PTPRD: variants seen among roughly 807,000 people sequenced by gnomAD.
PTPRD encodes receptor-type tyrosine-protein phosphatase delta.
PTPRD carries 34 observed loss-of-function variants against 214.5 expected under a neutral mutation model. The observed-to-expected ratio is 0.16, with a 90% CI of 0.12 to 0.21. The LOEUF is 0.21. Ranked by LOEUF, PTPRD falls within the 10% of genes least tolerant of loss-of-function variation. The pLI, the probability that PTPRD is intolerant of heterozygous loss-of-function variation, is 1.00. For synonymous variants in PTPRD, 1,128 were observed against 845.7 expected (o/e 1.33, Z -5.79); for missense variants, 2,545 against 2,398.7 (o/e 1.06, Z -1.27).
chr9:10,606,359 G>C (rs1294071276), intron 2 of PTPRD, among the ~76,000 whole-genome samples: 1 of 151,654 alleles, frequency 6.6e-6, no homozygotes. Flanking sequence ...TTTCCACTGA[G>C]TAGAATTTCT....
At chr9:9,737,684 G>A (rs972077900) in intron 6 of PTPRD, among the ~76,000 whole-genome samples, 1 of 152,016 alleles carries the variant, frequency 6.6e-6, no homozygotes, top group Admixed American at 6.6e-5. Context: ...TATTCCTTAT[G>A]TTGCTAAAAA....
At chr9:9,842,487 G>A (rs543110295) in intron 5 of PTPRD, among the ~76,000 whole-genome samples, 7 of 151,442 alleles carry the variant, frequency 4.6e-5, no homozygotes, top group African/African-American at 1.7e-4. Context: ...AAATAAATAA[G>A]AAGGAAGAAA....
At chr9:10,063,790 T>C (rs1376799992) in intron 3 of PTPRD, among the ~76,000 whole-genome samples, 2 of 152,022 alleles carry the variant, frequency 1.3e-5, no homozygotes, top group African/African-American at 2.4e-5. Context: ...CAGAGGTAAC[T>C]GGACTGTGAA....
intron 10 of PTPRD, among the ~76,000 whole-genome samples, chr9:9,167,230 T>C (rs1047385345): frequency 5.9e-5 from 9 of 152,158 alleles, no homozygotes; most frequent in South Asian, 4.2e-4. Flanking sequence ...TCTTCACAAT[T>C]ACCATAGTAA....
chr9:9,399,839 A>C (rs7854060), intron 8 of PTPRD, among the ~76,000 whole-genome samples: 7,256 of 152,064 alleles, frequency 0.048, 188 homozygotes, highest in African/African-American at 0.058. Context: ...AATCAATTAA[A>C]CATCTTTCCT....
intron 5 of PTPRD, among the ~76,000 whole-genome samples, chr9:9,859,646 T>A (rs887928485): frequency 4.6e-5 from 7 of 152,188 alleles, no homozygotes; most frequent in Non-Finnish European, 8.8e-5. Context: ...TAGCTATAAA[T>A]AAGCTGGTAT....
intron 8 of PTPRD, among the ~76,000 whole-genome samples, chr9:9,545,719 T>G (rs113994823): frequency 2.0e-5 from 3 of 151,756 alleles, no homozygotes; most frequent in Non-Finnish European, 4.4e-5. Flanking sequence ...TGTAGGTGTA[T>G]TGTATATCTT....
intron 7 of PTPRD, among the ~76,000 whole-genome samples, chr9:9,686,152 A>T (rs950596685): frequency 1.3e-5 from 2 of 151,066 alleles, no homozygotes; most frequent in South Asian, 2.1e-4. Context: ...TGTTGAAATA[A>T]TTTTTTTTAA....
intron 11 of PTPRD, among the ~76,000 whole-genome samples, chr9:8,791,730 G>A (rs2096244838): frequency 6.6e-6 from 1 of 151,878 alleles, no homozygotes; most frequent in Non-Finnish European, 1.5e-5. Context: ...AACGTGAGAT[G>A]ACTGAGGATG....
chr9:8,420,809 T>C (rs542486202), intron 35 of PTPRD, among the ~76,000 whole-genome samples: 1 of 120,690 alleles, frequency 8.3e-6, no homozygotes, highest in East Asian at 3.5e-4. Flanking sequence ...TTTTCTTTTT[T>C]TTTTTTTTTA....
chr9:10,039,369 C>G (rs1340066929), intron 3 of PTPRD, among the ~76,000 whole-genome samples: 1 of 151,854 alleles, frequency 6.6e-6, no homozygotes, highest in Non-Finnish European at 1.5e-5. Flanking sequence ...AATGCTATGT[C>G]AAAATAAAGT....
intron 2 of PTPRD, among the ~76,000 whole-genome samples, chr9:10,506,625 T>TA (rs2046070038): frequency 6.6e-6 from 1 of 152,030 alleles, no homozygotes; most frequent in South Asian, 2.1e-4. Context: ...AAATTAAAAA[T>TA]AAAAAAATTA....
At chr9:9,117,056 CA>C (rs1322928796) in intron 10 of PTPRD, among the ~76,000 whole-genome samples, 1 of 151,972 alleles carries the variant, frequency 6.6e-6, no homozygotes, top group Admixed American at 6.6e-5. Context: ...TACTCCTTCC[CA>C]AATATATTAA....
chr9:8,745,506 C>T (rs2092693729), intron 11 of PTPRD, among the ~76,000 whole-genome samples: 1 of 152,164 alleles, frequency 6.6e-6, no homozygotes, highest in African/African-American at 2.4e-5. Context: ...ATTTGGCAGT[C>T]ACTGTCCTAG....
chr9:10,039,920 T>C (rs2097264986), intron 3 of PTPRD, among the ~76,000 whole-genome samples: 1 of 152,092 alleles, frequency 6.6e-6, no homozygotes, highest in Admixed American at 6.6e-5. Flanking sequence ...CTTCACAATT[T>C]TAATTATTCT....
intron 12 of PTPRD, among the ~76,000 whole-genome samples, chr9:8,642,412 A>G (rs1454142643): frequency 1.3e-5 from 2 of 152,170 alleles, no homozygotes; most frequent in Non-Finnish European, 2.9e-5. Context: ...TAAAATTTTT[A>G]AAGGGGAAGG....
chr9:8,494,662 T>A (rs2097221166), intron 26 of PTPRD, among the ~76,000 whole-genome samples: 1 of 152,234 alleles, frequency 6.6e-6, no homozygotes, highest in Non-Finnish European at 1.5e-5. Flanking sequence ...GAGACTTATA[T>A]GTTTCTTATC....
At chr9:8,454,571 A>C in intron 33 of PTPRD, 1 of 1,613,158 alleles carries the variant, frequency 6.2e-7, no homozygotes, top group Non-Finnish European at 8.5e-7. Context: ...TTTGTTCTCT[A>C]TTCCTCACCT....
chr9:9,144,132 A>C (rs2099864684), intron 10 of PTPRD, among the ~76,000 whole-genome samples: 1 of 152,218 alleles, frequency 6.6e-6, no homozygotes, highest in Admixed American at 6.5e-5. Context: ...CAACATTTAA[A>C]AAAGTTAAAT....
Sources: gnomAD v4.1 joint callset for allele counts (sites outside exome capture counted in the v4.1 genomes callset) on GRCh38, gnomAD v4.1.1 for gene constraint, MANE v1.5 for transcripts, NCBI Gene and HGNC (gene_info 2026-07-23, HGNC 2026-07-21) for gene names.